SLC39A11: variants seen among roughly 807,000 people sequenced by gnomAD.
SLC39A11 encodes the protein zinc transporter ZIP11.
SLC39A11 carries 33 observed loss-of-function variants against 36.1 expected under a neutral mutation model. That is an observed-to-expected ratio of 0.91 (90% CI 0.69 to 1.22). SLC39A11 has a LOEUF of 1.22. Among genes scored for constraint, SLC39A11 ranks in the 50% most tolerant of loss-of-function variants. SLC39A11 has a pLI of 0.00. For synonymous variants in SLC39A11, 166 were observed against 170.3 expected (o/e 0.97, Z 0.20); for missense variants, 432 against 430.3 (o/e 1.00, Z -0.03).
chr17:72,655,973 G>C (rs2070098992), intron 7 of SLC39A11, among the ~76,000 whole-genome samples: 3 of 152,062 alleles, frequency 2.0e-5, no homozygotes, highest in Admixed American at 6.5e-5. Context: ...GATGCCCCAG[G>C]CTCACCAGCT....
chr17:72,880,664 C>A (rs2081148814), intron 5 of SLC39A11, among the ~76,000 whole-genome samples: 1 of 148,718 alleles, frequency 6.7e-6, no homozygotes, highest in Admixed American at 6.7e-5. Context: ...ACAGAGATAC[C>A]CAAGTTCAGA....
chr17:72,922,204 AC>A (rs1462880417), intron 5 of SLC39A11, among the ~76,000 whole-genome samples: 1 of 152,198 alleles, frequency 6.6e-6, no homozygotes, highest in Admixed American at 6.5e-5. Context: ...TCACAGAAGC[AC>A]CCAGCTTGTG....
At chr17:72,970,150 A>G (rs2087332778) in intron 4 of SLC39A11, among the ~76,000 whole-genome samples, 1 of 152,246 alleles carries the variant, frequency 6.6e-6, no homozygotes. Flanking sequence ...ATAAGTCTGG[A>G]GAAAAATCAT....
intron 6 of SLC39A11, among the ~76,000 whole-genome samples, chr17:72,754,264 G>A (rs1372061558): frequency 2.6e-5 from 4 of 151,938 alleles, no homozygotes; most frequent in Non-Finnish European, 5.9e-5. Flanking sequence ...AAAGGCATAC[G>A]AATGACACAA....
chr17:73,072,755 G>C (rs1199378606), intron 3 of SLC39A11, among the ~76,000 whole-genome samples: 1 of 152,154 alleles, frequency 6.6e-6, no homozygotes, highest in African/African-American at 2.4e-5. Context: ...GGAGTGCCAG[G>C]CCAACAGTCA....
intron 5 of SLC39A11, among the ~76,000 whole-genome samples, chr17:72,850,525 A>C (rs1360499621): frequency 6.6e-6 from 1 of 152,070 alleles, no homozygotes; most frequent in Non-Finnish European, 1.5e-5. Flanking sequence ...AAGAAGGATA[A>C]AAAAGATGAA....
chr17:72,761,142 G>C (rs753407489), intron 6 of SLC39A11, among the ~76,000 whole-genome samples: 1 of 152,120 alleles, frequency 6.6e-6, no homozygotes, highest in Non-Finnish European at 1.5e-5. Context: ...TTGAGATGGA[G>C]TTCGCTCTGC....
At chr17:73,086,153 T>A (rs1271462918) in intron 2 of SLC39A11, among the ~76,000 whole-genome samples, 1 of 152,172 alleles carries the variant, frequency 6.6e-6, no homozygotes, top group Non-Finnish European at 1.5e-5. Context: ...TGAAGGCTCC[T>A]GATTGGAAGG....
Position 72,648,813 on chromosome 17 carries a change from C to T in SLC39A11, c.919G>A (p.Ala307Thr). The change falls in exon 9 of 10, where the codon GCC becomes ACC. Residue 307 changes from alanine to threonine, a missense_variant. Coordinates refer to ENST00000255559, the MANE Select transcript of SLC39A11 (RefSeq NM_139177.4). ...YVVMDDIIPE[A>T]QISGNGKLAS... ...GGAAGGTTCTCCAACCTGATCTGGG[C>T]TTCGGGGATGATGTCGTCCATGACC... 1 of 1,614,142 alleles carries T rather than the reference C, an allele frequency of 6.2e-7. No homozygotes were observed. Among genetic ancestry groups the T allele is most frequent in the East Asian group, 2.2e-5 (1 of 44,870 alleles).
intron 5 of SLC39A11, among the ~76,000 whole-genome samples, chr17:72,895,853 GTATTT>G (rs879402638): frequency 1.5e-4 from 23 of 152,112 alleles, no homozygotes; most frequent in Admixed American, 7.9e-4. Context: ...TTGGAAAGGG[GTATTT>G]TATTTAACCA....
intron 6 of SLC39A11, among the ~76,000 whole-genome samples, chr17:72,804,987 G>A (rs1411078280): frequency 6.6e-6 from 1 of 152,134 alleles, no homozygotes; most frequent in East Asian, 1.9e-4. Context: ...CTGCACTCCA[G>A]CCTGGTGACA....
At chr17:72,765,973 G>A (rs1036853588) in intron 6 of SLC39A11, among the ~76,000 whole-genome samples, 1 of 152,198 alleles carries the variant, frequency 6.6e-6, no homozygotes, top group Non-Finnish European at 1.5e-5. Flanking sequence ...TAGAGCTGGG[G>A]CAGGAATCGC....
intron 6 of SLC39A11, among the ~76,000 whole-genome samples, chr17:72,788,885 A>G (rs1181890829): frequency 6.6e-6 from 1 of 152,228 alleles, no homozygotes; most frequent in African/African-American, 2.4e-5. Context: ...ATGCAACTGA[A>G]GCGTGACCAC....
At chr17:72,723,793 T>A (rs888858988) in intron 7 of SLC39A11, among the ~76,000 whole-genome samples, 6 of 152,160 alleles carry the variant, frequency 3.9e-5, no homozygotes, top group African/African-American at 1.4e-4. Flanking sequence ...CATCTGTCCA[T>A]CTGTTTATCC....
At chr17:72,919,839 TA>T (rs2083552209) in intron 5 of SLC39A11, among the ~76,000 whole-genome samples, 1 of 152,120 alleles carries the variant, frequency 6.6e-6, no homozygotes, top group Non-Finnish European at 1.5e-5. Context: ...AGTGCCCTGC[TA>T]GGACCACAGG....
At chr17:72,867,754 GCGCGCGCACACACA>G (rs1276154240) in intron 5 of SLC39A11, among the ~76,000 whole-genome samples, 3 of 89,790 alleles carry the variant, frequency 3.3e-5, no homozygotes, top group Admixed American at 1.1e-4. Context: ...TGAATGAAGT[GCGCGCGCACACACA>G]CACACACACA....
chr17:72,768,770 T>C (rs769575632), intron 6 of SLC39A11, among the ~76,000 whole-genome samples: 4 of 146,902 alleles, frequency 2.7e-5, no homozygotes, highest in Non-Finnish European at 5.9e-5. Flanking sequence ...ATTATTATTA[T>C]TATTTTTTGA....
chr17:72,762,571 GC>G (rs1598618777), intron 6 of SLC39A11, among the ~76,000 whole-genome samples: 1 of 152,194 alleles, frequency 6.6e-6, no homozygotes, highest in East Asian at 1.9e-4. Flanking sequence ...GGGCAGCTCT[GC>G]CTATGGAGAA....
intron 7 of SLC39A11, among the ~76,000 whole-genome samples, chr17:72,728,137 G>C (rs1021666991): frequency 6.6e-6 from 1 of 152,106 alleles, no homozygotes; most frequent in Non-Finnish European, 1.5e-5. Flanking sequence ...TAAAGGAGGG[G>C]TCTAACGCTT....
Sources: gnomAD v4.1 joint callset for allele counts (sites outside exome capture counted in the v4.1 genomes callset) on GRCh38, gnomAD v4.1.1 for gene constraint, MANE v1.5 for transcripts, NCBI Gene and HGNC (gene_info 2026-07-23, HGNC 2026-07-21) for gene names.